Variants in PRSS38 observed in about 807,000 individuals in gnomAD.
The protein encoded by PRSS38 is marapsin 2.
In PRSS38, 22 loss-of-function variants were observed where a neutral mutation model predicts 26.8. That is an observed-to-expected ratio of 0.82 (90% CI 0.59 to 1.17). The LOEUF is 1.17. Among genes scored for constraint, PRSS38 ranks in the 50% most tolerant of loss-of-function variants. The probability of loss-of-function intolerance (pLI) is 0.00; values close to 1 mark genes in which losing one functional copy is unlikely to be tolerated. For missense variants in PRSS38, 427 were observed against 422.7 expected (o/e 1.01, Z -0.09); for synonymous variants, 175 against 172.1 (o/e 1.02, Z -0.13).
intron 3 of PRSS38, among the ~76,000 whole-genome samples, chr1:227,837,384 C>CAGCGAA (rs1383269209): frequency 6.6e-5 from 10 of 152,186 alleles, no homozygotes; most frequent in African/African-American, 2.4e-4. Context: ...TCGCTGACTA[C>CAGCGAA]TGTTTTTGAG....
At chr1:227,845,930 A>C (rs1268160184) in intron 4 of PRSS38, 24 bp from the exon 5 acceptor site, 1 of 1,612,570 alleles carries the variant, frequency 6.2e-7, no homozygotes, top group Non-Finnish European at 8.5e-7. Flanking sequence ...CCCAGTTCAC[A>C]AAAAACTCCC....
intron 3 of PRSS38, among the ~76,000 whole-genome samples, chr1:227,841,969 G>A (rs913416651): frequency 1.3e-5 from 2 of 152,148 alleles, no homozygotes; most frequent in Admixed American, 6.5e-5. Flanking sequence ...GAAGGGGAAG[G>A]GACCACATGG....
chr1:227,824,052 CT>C (rs1665037271), intron 3 of PRSS38, among the ~76,000 whole-genome samples: 1 of 152,068 alleles, frequency 6.6e-6, no homozygotes, highest in Admixed American at 6.6e-5. Flanking sequence ...AGAGGTTGTA[CT>C]AATTTTCTTT....
At chr1:227,842,023 C>G (rs1472721997) in intron 3 of PRSS38, among the ~76,000 whole-genome samples, 1 of 152,126 alleles carries the variant, frequency 6.6e-6, no homozygotes, top group East Asian at 1.9e-4. Context: ...ACAACCAGCT[C>G]TCTCTGTTGG....
intron 3 of PRSS38, among the ~76,000 whole-genome samples, chr1:227,844,243 G>A (rs1285623708): frequency 6.6e-6 from 1 of 151,134 alleles, no homozygotes; most frequent in African/African-American, 2.4e-5. Flanking sequence ...CCTCCCCAGT[G>A]AGACCTGGGC....
intron 3 of PRSS38, among the ~76,000 whole-genome samples, chr1:227,837,300 T>C (rs1242137388): frequency 6.6e-6 from 1 of 152,256 alleles, no homozygotes; most frequent in Non-Finnish European, 1.5e-5. Context: ...TTTGTCATCA[T>C]TTAGTAGTTT....
chr1:227,817,595 C>A, intron 3 of PRSS38, 115 bp downstream of exon 3: 1 of 974,698 alleles, frequency 1.0e-6, no homozygotes, highest in Non-Finnish European at 1.5e-6. Flanking sequence ...GAATCCCCAC[C>A]TGTCAATCAA....
At position 227,816,217 on chromosome 1, in the gene PRSS38, G is replaced by A. The variant is rs755886095; in HGVS notation, c.276G>A (p.Glu92=). ...TCTGCGGCGGCTCCATCCTCAATGA[G>A]TACTGGGTGCTGTCAGCTGCGCACT... The change falls in exon 2 of 5, where the codon GAG becomes GAA. Residue 92 remains glutamate (E), a synonymous_variant. Transcript: ENST00000366757. This position sits in a 1 kb window ranked among gnomAD's most constrained non-coding sequence, Gnocchi z 5.1. 6.2e-7 allele frequency: 1 copy of A among 1,613,488 alleles called. No homozygotes were observed. The highest frequency in any genetic ancestry group is 1.1e-5 in the South Asian group (1 of 91,076).
chr1:227,846,280 A>T, exon 5 of PRSS38: 1 of 1,566,948 alleles, frequency 6.4e-7, no homozygotes, highest in Admixed American at 1.7e-5. Context: ...CAGACCCCTA[A>T]GCATCTCCTG....
At chr1:227,846,101 A>G (rs1169566632) in exon 5 of PRSS38, 1 of 1,614,184 alleles carries the variant, frequency 6.2e-7, no homozygotes. Context: ...ATGTGATAAC[A>G]TAGAAATCAC....
chr1:227,843,644 G>A (rs543357520), intron 3 of PRSS38, among the ~76,000 whole-genome samples: 64 of 152,238 alleles, frequency 4.2e-4, no homozygotes, highest in Admixed American at 7.2e-4. Flanking sequence ...AGAGGTTGCA[G>A]TGAGCCAAGA....
chr1:227,817,424 T>A (rs930458998), exon 3 of PRSS38: 1 of 1,614,134 alleles, frequency 6.2e-7, no homozygotes. Flanking sequence ...ACTCCAGAAG[T>A]GAACCTTACC....
At chr1:227,827,674 T>C (rs546969192) in intron 3 of PRSS38, among the ~76,000 whole-genome samples, 1 of 151,864 alleles carries the variant, frequency 6.6e-6, no homozygotes, top group East Asian at 1.9e-4. Flanking sequence ...TGAAGGGTTT[T>C]CCATGTCTCT....
At chr1:227,838,355 T>C (rs1665268015) in intron 3 of PRSS38, among the ~76,000 whole-genome samples, 1 of 152,210 alleles carries the variant, frequency 6.6e-6, no homozygotes, top group Non-Finnish European at 1.5e-5. Context: ...TGTGATTCCA[T>C]GTGTGGCCCC....
At chr1:227,835,237 A>G (rs1368209774) in intron 3 of PRSS38, among the ~76,000 whole-genome samples, 2 of 152,218 alleles carry the variant, frequency 1.3e-5, no homozygotes, top group Admixed American at 1.3e-4. Context: ...GGAATTTAAA[A>G]TGACATACTC....
In PRSS38 at chr1:227,845,626, G is replaced by T; in HGVS notation, c.726+14G>T. 2 of 1,610,752 alleles carry T rather than the reference G, an allele frequency of 1.2e-6. No homozygotes were observed. The highest frequency in any genetic ancestry group is 1.7e-6 in the Non-Finnish European group (2 of 1,177,806). Reference sequence around the variant, plus strand: ...ACCGTGTGTGAGGTGTGCCCCTCCTGGTCCATGAGACAGAGGTCATGGGTG... The same window carrying T: ...ACCGTGTGTGAGGTGTGCCCCTCCTTGTCCATGAGACAGAGGTCATGGGTG... On this transcript the variant is annotated intron_variant, in intron 4 of 4. Coordinates refer to ENST00000366757, the Ensembl canonical transcript of PRSS38.
Position 227,815,870 on chromosome 1 carries a change from C to A in PRSS38, c.148+6C>A. The A allele has an allele frequency of 6.3e-7, 1 of 1,596,674 alleles. No individual in the cohort carries two copies. The highest frequency in any genetic ancestry group is 8.6e-7 in the Non-Finnish European group (1 of 1,167,950). ...CTCCCTAACTGGCAGCGTGGGTAGG[C>A]CCTGCCCCAGGGGCGGATGGGCGGC... On this transcript the variant is annotated splice_donor_region_variant and intron_variant, in intron 1 of 4. Coordinates refer to ENST00000366757, the Ensembl canonical transcript of PRSS38.
intron 3 of PRSS38, 83 bp from the exon 4 acceptor site, chr1:227,845,387 C>T (rs1665410982): frequency 1.1e-6 from 1 of 946,734 alleles, no homozygotes; most frequent in Admixed American, 2.1e-5. Context: ...TGGGCTATCC[C>T]CTTGGTGTCC....
chr1:227,817,316 C>T (rs149614624), exon 3 of PRSS38: 3 of 1,614,204 alleles, frequency 1.9e-6, no homozygotes, highest in Non-Finnish European at 2.5e-6. Context: ...CTGCACCCCA[C>T]ATATGAGATG....
Sources: allele counts gnomAD v4.1 joint callset (sites outside exome capture counted in the v4.1 genomes callset), GRCh38; gene constraint gnomAD v4.1.1; non-coding constraint Gnocchi (gnomAD v3.1); transcripts MANE v1.5; gene names NCBI Gene and HGNC (gene_info 2026-07-23, HGNC 2026-07-21).